Variants in WFS1 observed in about 807,000 individuals in gnomAD.
WFS1 encodes the protein wolframin.
In WFS1, 90 loss-of-function variants were observed where a neutral mutation model predicts 68.5. That is an observed-to-expected ratio of 1.31 (90% CI 1.11 to 1.56). WFS1 has a LOEUF of 1.56. Among genes scored for constraint, WFS1 ranks in the 40% most tolerant of loss-of-function variants. The pLI is 0.00. For synonymous variants in WFS1, 860 were observed against 540.7 expected, an observed-to-expected ratio of 1.59 and a Z score of -8.19; for missense variants, 1,767 against 1,232.6, an observed-to-expected ratio of 1.43 and a Z score of -6.49.
At chr4:6,288,804 A>G in intron 3 of WFS1, 183 bp from the exon 4 acceptor site, 2 of 850,490 alleles carry the variant, frequency 2.4e-6, no homozygotes, top group South Asian at 1.6e-5. Context: ...TGTTTTGAGG[A>G]GCGAGTGGCC....
chr4:6,277,428 C>T (rs1730026192), intron 1 of WFS1, 23 bp from the exon 2 acceptor site: 3 of 1,548,604 alleles, frequency 1.9e-6, no homozygotes, highest in Non-Finnish European at 2.6e-6. Flanking sequence ...GCTGGATGTG[C>T]CTGACCTTGA....
intron 4 of WFS1, among the ~76,000 whole-genome samples, chr4:6,290,506 C>A (rs2109116034): frequency 6.6e-6 from 1 of 152,372 alleles, no homozygotes; most frequent in Middle Eastern, 3.4e-3. Flanking sequence ...GCTGCACACA[C>A]CTTCTGATGT....
At position 6,301,932 on chromosome 4, in the gene WFS1, GACAACAGCGCCGAGTCTGCCATCA is replaced by G. The variant is rs771936108; in HGVS notation, c.2141_2164del (p.Asn714_Asn721del). ...CAAGTACGTCCGCGTGACTGACATC[GACAACAGCGCCGAGTCTGCCATCA>G]ACATGCTCCCGTTCTTCATCGGCGA... is the stretch of plus-strand genomic sequence containing the variant. On this transcript the variant is annotated inframe_deletion, in exon 8 of 8. Transcript: ENST00000226760. 1.9e-6 allele frequency: 3 copies of G among 1,612,874 alleles called. No individual in the cohort carries two copies. The highest frequency in any genetic ancestry group is 2.2e-5 in the South Asian group (2 of 91,062).
chr4:6,286,641 C>T (rs756246640), intron 2 of WFS1, among the ~76,000 whole-genome samples: 1 of 152,228 alleles, frequency 6.6e-6, no homozygotes, highest in African/African-American at 2.4e-5. Context: ...TTGGTACAAT[C>T]ATGGAAAACA....
intron 2 of WFS1, among the ~76,000 whole-genome samples, chr4:6,279,402 C>T (rs547828476): frequency 7.2e-5 from 11 of 152,276 alleles, no homozygotes; most frequent in African/African-American, 1.7e-4. Context: ...GATGGGAAAC[C>T]GAGGGATAGA....
intron 6 of WFS1, among the ~76,000 whole-genome samples, chr4:6,292,368 A>G (rs4308430): frequency 0.64 from 97,312 of 151,912 alleles, 31,771 homozygotes; most frequent in East Asian, 0.93. Flanking sequence ...CATTAGGGGA[A>G]GGGGCTCCGG....
intron 2 of WFS1, among the ~76,000 whole-genome samples, chr4:6,284,447 A>G (rs1186807533): frequency 6.6e-6 from 1 of 152,204 alleles, no homozygotes; most frequent in African/African-American, 2.4e-5. Flanking sequence ...GCTGTGAATA[A>G]CTTCTGTGAA....
intron 1 of WFS1, among the ~76,000 whole-genome samples, chr4:6,270,402 A>G (rs1475804941): frequency 1.4e-5 from 2 of 146,508 alleles, no homozygotes; most frequent in African/African-American, 5.0e-5. Flanking sequence ...CGGTCCCGGG[A>G]CCCACGGCCG....
At chr4:6,300,407 G>A (rs1461998114) in intron 7 of WFS1, among the ~76,000 whole-genome samples, 1 of 152,112 alleles carries the variant, frequency 6.6e-6, no homozygotes, top group African/African-American at 2.4e-5. Context: ...GCTGGTAGAA[G>A]GTGGGGAGCC....
chr4:6,277,783 T>TAGCTGGGTGGGAACGGGGTTCAGCCA, intron 2 of WFS1, 96 bp downstream of exon 2: 1 of 1,342,666 alleles, frequency 7.4e-7, no homozygotes. Flanking sequence ...CCCCGCCAGG[T>TAGCTGGGTGGGAACGGGGTTCAGCCA]CCTCTGCAGT....
chr4:6,277,617 T>C lies in WFS1; in HGVS notation c.162T>C (p.Val54=), dbSNP rs1231374208. 2.5e-6 allele frequency: 4 copies of C among 1,574,400 alleles called. No homozygotes were observed. The highest frequency in any genetic ancestry group is 3.4e-6 in the Non-Finnish European group (4 of 1,160,270). Residue 54 remains valine (V), a synonymous_variant, in exon 2 of 8, where the codon GTT becomes GTC. Coordinates refer to ENST00000226760, the MANE Select transcript of WFS1 (RefSeq NM_006005.3). ...PGPQAGPGPG[V]RDAAAPAEPQ... The stretch of plus-strand genomic sequence containing the variant: ...CCCAGGCTGGCCCTGGCCCTGGTGT[T>C]AGAGACGCAGCGGCCCCCGCTGAAC...
chr4:6,275,968 G>C (rs558364071), intron 1 of WFS1, among the ~76,000 whole-genome samples: 32 of 152,306 alleles, frequency 2.1e-4, no homozygotes, highest in Non-Finnish European at 4.3e-4. Flanking sequence ...TTCAGATGAG[G>C]AGGCTGAGGT....
chr4:6,273,616 C>CGGAA (rs368363105), intron 1 of WFS1, among the ~76,000 whole-genome samples: 3 of 152,182 alleles, frequency 2.0e-5, no homozygotes, highest in Non-Finnish European at 2.9e-5. Context: ...GCAAGGCAGC[C>CGGAA]GGTCTTCCGA....
intron 2 of WFS1, among the ~76,000 whole-genome samples, chr4:6,281,624 C>T (rs565575205): frequency 3.9e-4 from 60 of 152,102 alleles, no homozygotes; most frequent in Non-Finnish European, 7.2e-4. Flanking sequence ...GGGTGGTTCC[C>T]GGCGGGGTCC....
chr4:6,299,515 G>T (rs1054419195), intron 7 of WFS1, among the ~76,000 whole-genome samples: 3 of 147,174 alleles, frequency 2.0e-5, no homozygotes, highest in Non-Finnish European at 4.5e-5. Context: ...TGGGTTGCGT[G>T]TGTGTGAATG....
Position 6,300,024 on chromosome 4 carries a change from G to A in WFS1, c.862-633G>A, listed in dbSNP as rs147252460. Among the ~76,000 whole-genome samples, 891 of 152,030 alleles carry A rather than the reference G, an allele frequency of 5.9e-3. 5 individuals carry two copies. The highest frequency in any genetic ancestry group is 0.02 in the African/African-American group (819 of 41,428). Reference sequence around the variant, plus strand: ...CTGGCAGCTGCTTCTCAGGGTCTCCGGCCATAGGGAGGGCAGCTCACCCGG... The same window carrying A: ...CTGGCAGCTGCTTCTCAGGGTCTCCAGCCATAGGGAGGGCAGCTCACCCGG... On this transcript the variant is annotated intron_variant, in intron 7 of 7. Transcript: ENST00000226760.
rs537169063 is a variant in WFS1 at position 6,283,075 on chromosome 4, T to C, written c.233-4018T>C. 6.6e-6 allele frequency among the ~76,000 whole-genome samples: 1 copy of C among 152,204 alleles called. No individual in the cohort carries two copies. The highest frequency in any genetic ancestry group is 1.5e-5 in the Non-Finnish European group (1 of 68,044). ...CGATGACCCAGGTTCCAGCAAGATA[T>C]GGCAGTGGGCTGTGCCGGGAAGGGG... On this transcript the variant is annotated intron_variant, in intron 2 of 7. Transcript: ENST00000226760. This position sits in a 1 kb window ranked among gnomAD's most constrained non-coding sequence, Gnocchi z 5.0.
chr4:6,293,319 C>T (rs112704219), intron 6 of WFS1, among the ~76,000 whole-genome samples: 20 of 152,272 alleles, frequency 1.3e-4, no homozygotes, highest in East Asian at 3.9e-4. Flanking sequence ...TGGTCCCCTC[C>T]GCCAGGCCCT....
In WFS1 at chr4:6,302,187, G is replaced by A. The variant is rs377712049; in HGVS notation, c.2392G>A (p.Val798Ile). The stretch of plus-strand genomic sequence containing the variant: ...CTCGCGCAGCCGCGAGGAGGACGAC[G>A]TCACCAAGGACATCGTGCTGCGGGC... ...DGSRSREEDD[V>I]TKDIVLRASS... Residue 798 changes from valine to isoleucine, a missense_variant, in exon 8 of 8, where the codon GTC (valine) becomes ATC (isoleucine). Val to Ile is a conservative substitution (Grantham distance 29). Coordinates refer to ENST00000226760, the MANE Select transcript of WFS1 (RefSeq NM_006005.3). 1.7e-5 allele frequency: 27 copies of A among 1,612,446 alleles called. No individual in the cohort carries two copies. The highest frequency in any genetic ancestry group is 6.7e-5 in the African/African-American group (5 of 75,068).
Sources: allele counts gnomAD v4.1 joint callset (sites outside exome capture counted in the v4.1 genomes callset), GRCh38; gene constraint gnomAD v4.1.1; non-coding constraint Gnocchi (gnomAD v3.1); transcripts MANE v1.5; gene names NCBI Gene and HGNC (gene_info 2026-07-23, HGNC 2026-07-21).